METTL8: variants seen among roughly 807,000 people sequenced by gnomAD.
METTL8 encodes tRNA N(3)-cytidine methyltransferase METTL8, mitochondrial.
Under a neutral mutation model 48.7 loss-of-function variants are expected in METTL8, and 32 were observed. The ratio of observed to expected loss-of-function variants is 0.66; its 90% CI spans 0.50 to 0.88. The LOEUF (loss-of-function observed/expected upper bound fraction) is 0.88, where lower values mean the gene tolerates loss of function less well. Among genes scored for constraint, METTL8 ranks in the 40% least tolerant of loss-of-function variants. METTL8 has a pLI of 0.00. For synonymous variants in METTL8, 136 were observed against 157.1 expected, an observed-to-expected ratio of 0.87 and a Z score of 1.01; for missense variants, 464 against 474.4, an observed-to-expected ratio of 0.98 and a Z score of 0.20.
intron 3 of METTL8, among the ~76,000 whole-genome samples, chr2:171,347,353 A>C (rs1683383377): frequency 6.6e-6 from 1 of 152,166 alleles, no homozygotes; most frequent in Non-Finnish European, 1.5e-5. Flanking sequence ...GTTCTATGGG[A>C]ACTGTCATTT....
At chr2:171,345,570 C>T (rs969649444) in intron 3 of METTL8, among the ~76,000 whole-genome samples, 3 of 152,092 alleles carry the variant, frequency 2.0e-5, no homozygotes, top group African/African-American at 7.2e-5. Context: ...AAACAAATAA[C>T]CTAAATTTAT....
At chr2:171,433,827 C>G (rs1364725315) in intron 1 of METTL8, 56 bp downstream of exon 1, 1 of 153,600 alleles carries the variant, frequency 6.5e-6, no homozygotes, top group Non-Finnish European at 1.4e-5. Flanking sequence ...TACAAAAGCA[C>G]AGTTTACCGT....
chr2:171,369,213 A>G (rs1054231285), intron 2 of METTL8, among the ~76,000 whole-genome samples: 1 of 152,146 alleles, frequency 6.6e-6, no homozygotes, highest in Non-Finnish European at 1.5e-5. Context: ...GGCTGAGGCA[A>G]GAGAATGGCA....
intron 1 of METTL8, among the ~76,000 whole-genome samples, chr2:171,431,452 C>T (rs972557208): frequency 7.2e-5 from 11 of 152,146 alleles, no homozygotes; most frequent in South Asian, 2.1e-4. Context: ...ACTCACTCTC[C>T]GGGGTCCACA....
At chr2:171,423,535 T>C (rs1007868706) in intron 1 of METTL8, among the ~76,000 whole-genome samples, 7 of 152,120 alleles carry the variant, frequency 4.6e-5, no homozygotes, top group African/African-American at 1.4e-4. Context: ...ATATGGACAA[T>C]AGAGCCCCCC....
chr2:171,434,216 T>C, upstream of METTL8: 1 of 427,426 alleles, frequency 2.3e-6, no homozygotes. Context: ...ACGGGAATTG[T>C]AGTTCCTGGG....
intron 2 of METTL8, among the ~76,000 whole-genome samples, chr2:171,382,733 GAAAGAAAA>G (rs1314671237): frequency 6.6e-6 from 1 of 151,702 alleles, no homozygotes; most frequent in East Asian, 1.9e-4. Context: ...TAAAAAAAAA[GAAAGAAAA>G]AAAGAAAAGA....
intron 2 of METTL8, among the ~76,000 whole-genome samples, chr2:171,378,929 C>T (rs1388916684): frequency 6.6e-6 from 1 of 152,232 alleles, no homozygotes; most frequent in African/African-American, 2.4e-5. Flanking sequence ...CTACAGAACT[C>T]TCCACCCCCA....
chr2:171,420,872 G>A (rs527324716), intron 1 of METTL8, among the ~76,000 whole-genome samples: 9 of 152,330 alleles, frequency 5.9e-5, no homozygotes, highest in Admixed American at 3.3e-4. Flanking sequence ...AACTTTTAGT[G>A]ACTGTGAAAT....
At chr2:171,362,152 A>G (rs1340688378) in intron 2 of METTL8, among the ~76,000 whole-genome samples, 4 of 152,192 alleles carry the variant, frequency 2.6e-5, no homozygotes, top group African/African-American at 9.7e-5. Flanking sequence ...GGGGCTGAAC[A>G]GTTAAGTAGT....
intron 5 of METTL8, among the ~76,000 whole-genome samples, chr2:171,336,353 C>T (rs1324988222): frequency 6.6e-6 from 1 of 150,768 alleles, no homozygotes; most frequent in African/African-American, 2.4e-5. Flanking sequence ...CCTTGGCCTC[C>T]CAAAGTGCTG....
At chr2:171,362,171 C>T (rs1009923017) in intron 2 of METTL8, among the ~76,000 whole-genome samples, 6 of 152,070 alleles carry the variant, frequency 3.9e-5, no homozygotes, top group African/African-American at 1.4e-4. Context: ...GTATGCAAGA[C>T]ACAGTGAAGC....
At chr2:171,376,109 A>AGG (rs1686935473) in intron 2 of METTL8, among the ~76,000 whole-genome samples, 1 of 152,220 alleles carries the variant, frequency 6.6e-6, no homozygotes, top group Non-Finnish European at 1.5e-5. Flanking sequence ...TTCTTAACTA[A>AGG]CTGGGCATTT....
At chr2:171,396,134 G>T (rs1460830932) in intron 1 of METTL8, among the ~76,000 whole-genome samples, 3 of 151,984 alleles carry the variant, frequency 2.0e-5, no homozygotes, top group African/African-American at 7.2e-5. Flanking sequence ...AAATTAGCTG[G>T]GTATGGTGGC....
rs139567111 is a variant in METTL8, at chr2:171,430,038, C to T, written c.-13+3845G>A. ...CTGGGCAACAAGAGCAAAAAAACTC[C>T]GTCTCAAAAAGAAAAAAAAAAAAGG... On this transcript the variant is annotated intron_variant, in intron 1 of 9. Coordinates refer to ENST00000375258, the MANE Select transcript of METTL8 (RefSeq NM_001321154.2). 3.4e-3 allele frequency among the ~76,000 whole-genome samples: 503 copies of T among 147,538 alleles called. 1 individual carries two copies. Among genetic ancestry groups the T allele is most frequent in the Non-Finnish European group, 2.2e-3 (147 of 66,930 alleles).
At chr2:171,415,772 G>T (rs114085242) in intron 1 of METTL8, among the ~76,000 whole-genome samples, 2 of 151,974 alleles carry the variant, frequency 1.3e-5, no homozygotes, top group South Asian at 4.2e-4. Context: ...TCCACTCTAG[G>T]GAATAAAAGA....
At chr2:171,340,655 G>C (rs1364378448) in intron 3 of METTL8, among the ~76,000 whole-genome samples, 1 of 152,106 alleles carries the variant, frequency 6.6e-6, no homozygotes, top group East Asian at 1.9e-4. Context: ...TGATCAGACA[G>C]GAAATTTCAA....
chr2:171,369,656 T>TG (rs1487095093), intron 2 of METTL8, among the ~76,000 whole-genome samples: 1 of 151,988 alleles, frequency 6.6e-6, no homozygotes, highest in African/African-American at 2.4e-5. Flanking sequence ...AATTTAAGAG[T>TG]GTAAAGGGGT....
rs1685962256 is a variant in METTL8, at chr2:171,368,607, A to C, written c.144-8094T>G. ...ATGTGATTTTTAAATATTTTATAAT[A>C]AAATGTGTCAACATTTAGAAGATCT... is the stretch of plus-strand genomic sequence containing the variant. On this transcript the variant is annotated intron_variant, in intron 2 of 9. Coordinates refer to ENST00000375258, the MANE Select transcript of METTL8 (RefSeq NM_001321154.2). Among the ~76,000 whole-genome samples, 8 of 152,246 alleles carry C rather than the reference A, an allele frequency of 5.3e-5. No individual in the cohort carries two copies. The South Asian group carries it at 1.7e-3, about 32-fold the overall frequency.
Sources: allele counts gnomAD v4.1 joint callset (sites outside exome capture counted in the v4.1 genomes callset), GRCh38; gene constraint gnomAD v4.1.1; transcripts MANE v1.5; gene names NCBI Gene and HGNC (gene_info 2026-07-23, HGNC 2026-07-21).